The following COL25A1 variants were observed in gnomAD, a reference collection of about 807,000 sequenced individuals.
COL25A1 encodes collagen type XXV alpha 1 chain.
COL25A1 carries 103 observed loss-of-function variants against 128.4 expected under a neutral mutation model. The observed-to-expected ratio is 0.80, with a 90% CI of 0.68 to 0.94. COL25A1 has a LOEUF of 0.94. COL25A1 is among the 40% of genes least tolerant of loss of function. COL25A1 has a pLI of 0.00. For synonymous variants in COL25A1, 279 were observed against 277.2 expected, an observed-to-expected ratio of 1.01 and a Z score of -0.06; for missense variants, 745 against 840.0, an observed-to-expected ratio of 0.89 and a Z score of 1.40.
chr4:109,045,425 T>G (rs557344113), intron 5 of COL25A1, among the ~76,000 whole-genome samples: 1 of 152,294 alleles, frequency 6.6e-6, no homozygotes, highest in Non-Finnish European at 1.5e-5. Context: ...TGCCTCTAAA[T>G]AAACATACTG....
chr4:109,043,586 T>TAA (rs33927518), intron 5 of COL25A1, among the ~76,000 whole-genome samples: 10 of 151,376 alleles, frequency 6.6e-5, no homozygotes, highest in South Asian at 2.1e-4. Context: ...AACAGCCAGT[T>TAA]AAAAAAAAGG....
intron 3 of COL25A1, among the ~76,000 whole-genome samples, chr4:109,179,385 C>T (rs532863065): frequency 6.6e-5 from 10 of 152,326 alleles, no homozygotes; most frequent in South Asian, 4.1e-4. Context: ...TATGCATGTC[C>T]ATCCCATCCT....
intron 3 of COL25A1, among the ~76,000 whole-genome samples, chr4:109,227,558 G>A (rs1208623567): frequency 6.6e-6 from 1 of 150,950 alleles, no homozygotes; most frequent in East Asian, 1.9e-4. Flanking sequence ...TTATTGCTCA[G>A]CCATTGCAAT....
intron 3 of COL25A1, among the ~76,000 whole-genome samples, chr4:109,063,442 G>T (rs1025310442): frequency 6.6e-6 from 1 of 150,898 alleles, no homozygotes; most frequent in African/African-American, 2.4e-5. Context: ...GGCAGAAGTT[G>T]CAGTAAGCCA....
At chr4:109,254,558 A>C (rs1780958971) in intron 3 of COL25A1, among the ~76,000 whole-genome samples, 1 of 138,850 alleles carries the variant, frequency 7.2e-6, no homozygotes, top group Non-Finnish European at 1.5e-5. Flanking sequence ...TAATATATTT[A>C]ATACATGCCC....
chr4:109,264,364 G>C (rs998046249), intron 3 of COL25A1, among the ~76,000 whole-genome samples: 3 of 152,226 alleles, frequency 2.0e-5, no homozygotes, highest in Non-Finnish European at 4.4e-5. Flanking sequence ...AACACTCTGG[G>C]TATGGCGTGG....
chr4:109,061,419 T>C (rs1361111339), intron 3 of COL25A1, among the ~76,000 whole-genome samples: 2 of 152,152 alleles, frequency 1.3e-5, no homozygotes, highest in African/African-American at 4.8e-5. Context: ...GTTGCCTAAA[T>C]AGGAATAGGA....
intron 8 of COL25A1, among the ~76,000 whole-genome samples, chr4:108,972,809 G>A (rs1273281316): frequency 1.3e-5 from 2 of 152,062 alleles, no homozygotes; most frequent in African/African-American, 4.8e-5. Context: ...ATGAACTTTG[G>A]CCAAACTTTC....
intron 18 of COL25A1, among the ~76,000 whole-genome samples, chr4:108,888,523 T>A (rs1741087399): frequency 6.6e-6 from 1 of 152,202 alleles, no homozygotes; most frequent in South Asian, 2.1e-4. Flanking sequence ...ACTGCTAGCA[T>A]GTGTTTCCTG....
chr4:109,054,720 G>C lies in COL25A1; in HGVS notation c.368-4541C>G, dbSNP rs893484152. Among the ~76,000 whole-genome samples, 2 of 152,118 alleles carry C rather than the reference G, an allele frequency of 1.3e-5. 1 individual carries two copies. The highest frequency in any genetic ancestry group is 1.3e-4 in the Admixed American group (2 of 15,270). On this transcript the variant is annotated intron_variant, in intron 3 of 37. Transcript: ENST00000399132. ...TTCAGAGTTTTGGAGGCAGAAAATGGAGACGTCACAGCAAAGTAAAGGGCA... is the reference window on the plus strand; with the variant it reads ...TTCAGAGTTTTGGAGGCAGAAAATGCAGACGTCACAGCAAAGTAAAGGGCA...
At chr4:108,991,815 A>T (rs1021843076) in intron 6 of COL25A1, among the ~76,000 whole-genome samples, 1 of 152,208 alleles carries the variant, frequency 6.6e-6, no homozygotes, top group Non-Finnish European at 1.5e-5. Context: ...CTAAAGTGTT[A>T]GGTTAGAAAG....
At chr4:109,080,718 G>A (rs1158199980) in intron 3 of COL25A1, among the ~76,000 whole-genome samples, 5 of 152,056 alleles carry the variant, frequency 3.3e-5, no homozygotes, top group East Asian at 1.9e-4. Flanking sequence ...AGACTTAAAC[G>A]GCTTCCTATT....
chr4:109,103,480 C>T (rs1766112936), intron 3 of COL25A1, among the ~76,000 whole-genome samples: 1 of 151,820 alleles, frequency 6.6e-6, no homozygotes, highest in Non-Finnish European at 1.5e-5. Context: ...AGGATCATAC[C>T]TAAAGCCATG....
At position 109,083,448 on chromosome 4, in the gene COL25A1, A is replaced by ATTTTTTT. The variant is rs60165291; in HGVS notation, c.368-33276_368-33270dup. ...CACCAATAACTTTTACACTAAATAAATTTTTTTTTTTTTTTTTTTTTTTTT... is the reference window on the plus strand; with the variant it reads ...CACCAATAACTTTTACACTAAATAAATTTTTTTTTTTTTTTTTTTTTTTTTTTTTTTT... On this transcript the variant is annotated intron_variant, in intron 3 of 37. Transcript: ENST00000399132. Among the ~76,000 whole-genome samples, 167 of 77,062 alleles carry ATTTTTTT rather than the reference A, an allele frequency of 2.2e-3. 15 individuals carry two copies. The highest frequency in any genetic ancestry group is 0.013 in the East Asian group (37 of 2,844). The allele number at this position is 77,062 out of a possible 152,430, so 50.6% of individuals were successfully genotyped here.
Position 109,084,663 on chromosome 4 carries a change from G to A in COL25A1, c.368-34484C>T, listed in dbSNP as rs140330966. Among the ~76,000 whole-genome samples, 54 of 152,196 alleles carry A rather than the reference G, an allele frequency of 3.5e-4. No individual in the cohort carries two copies. The Middle Eastern group carries it at 0.01, about 29-fold the overall frequency. ...TGCTATAGCAAGAACCACACATCAG[G>A]TTTTTATGCCCTATGTTTAAGCCCA... On this transcript the variant is annotated intron_variant, in intron 3 of 37. Transcript: ENST00000399132.
At chr4:109,289,000 CACA>C (rs1560986408) in intron 3 of COL25A1, among the ~76,000 whole-genome samples, 29 of 143,254 alleles carry the variant, frequency 2.0e-4, no homozygotes, top group Admixed American at 5.5e-4. Flanking sequence ...CACACACACA[CACA>C]CATATATATA....
At chr4:108,820,908 T>A (rs909609845) in intron 35 of COL25A1, among the ~76,000 whole-genome samples, 11 of 151,738 alleles carry the variant, frequency 7.2e-5, no homozygotes, top group Admixed American at 3.9e-4. Context: ...AAAGGAGGAG[T>A]AGGAAGGAAT....
intron 3 of COL25A1, among the ~76,000 whole-genome samples, chr4:109,114,761 A>G (rs1199705882): frequency 6.6e-6 from 1 of 152,084 alleles, no homozygotes; most frequent in Non-Finnish European, 1.5e-5. Flanking sequence ...CATGTGCAAT[A>G]CTGGCAGCAA....
chr4:109,280,848 T>C (rs1723313318), intron 3 of COL25A1, among the ~76,000 whole-genome samples: 1 of 152,080 alleles, frequency 6.6e-6, no homozygotes, highest in African/African-American at 2.4e-5. Context: ...AGTTTCACCA[T>C]GTTGGCCAGG....
Sources: gnomAD v4.1 joint callset for allele counts (sites outside exome capture counted in the v4.1 genomes callset) on GRCh38, gnomAD v4.1.1 for gene constraint, MANE v1.5 for transcripts, NCBI Gene and HGNC (gene_info 2026-07-23, HGNC 2026-07-21) for gene names.